The following NDUFAF2 variants were observed in gnomAD, a reference collection of about 807,000 sequenced individuals.
NDUFAF2 encodes NADH dehydrogenase [ubiquinone] 1 alpha subcomplex assembly factor 2.
Under a neutral mutation model 22.8 loss-of-function variants are expected in NDUFAF2, and 13 were observed. The ratio of observed to expected loss-of-function variants is 0.57; its 90% CI spans 0.37 to 0.91. The LOEUF (loss-of-function observed/expected upper bound fraction) is 0.91. Ranked by LOEUF, NDUFAF2 falls within the 40% of genes least tolerant of loss-of-function variation. The pLI is 0.01. For synonymous variants in NDUFAF2, 53 were observed against 64.2 expected, an observed-to-expected ratio of 0.83 and a Z score of 0.84; for missense variants, 162 against 195.2, an observed-to-expected ratio of 0.83 and a Z score of 1.01.
chr5:61,072,720 C>T (rs1752315148), intron 1 of NDUFAF2, among the ~76,000 whole-genome samples: 2 of 152,090 alleles, frequency 1.3e-5, no homozygotes, highest in Admixed American at 1.3e-4. Context: ...CTTTAGCCTC[C>T]TGAGTAGAGT....
In NDUFAF2 at chr5:60,967,324, C is replaced by A. The variant is rs541769703; in HGVS notation, c.127+21942C>A. Among the ~76,000 whole-genome samples the A allele has an allele frequency of 3.3e-5, 5 of 151,902 alleles. No homozygotes were observed. The South Asian group carries it at 8.3e-4, about 25-fold the overall frequency. ...ACATCTTCCTTTCTGATTCAGATGT[C>A]TTTTATTTATTTTTCTTGCTTAATT... On this transcript the variant is annotated intron_variant, in intron 1 of 3. Transcript: ENST00000296597.
chr5:61,056,152 G>A (rs542178661), intron 1 of NDUFAF2, among the ~76,000 whole-genome samples: 34 of 152,244 alleles, frequency 2.2e-4, no homozygotes, highest in Middle Eastern at 3.4e-3. Flanking sequence ...ATAAAGAATT[G>A]TTCAACTCCA....
intron 1 of NDUFAF2, among the ~76,000 whole-genome samples, chr5:60,982,688 T>TG (rs1472572611): frequency 6.6e-6 from 1 of 151,764 alleles, no homozygotes; most frequent in Non-Finnish European, 1.5e-5. Context: ...CTGAGAATGA[T>TG]GGTTTCCAGC....
At chr5:61,005,472 C>G (rs1751354286) in intron 1 of NDUFAF2, among the ~76,000 whole-genome samples, 1 of 152,178 alleles carries the variant, frequency 6.6e-6, no homozygotes. Flanking sequence ...ATGGCTGGGT[C>G]AAATGGTATT....
At chr5:61,136,543 T>G (rs1355246920) in intron 3 of NDUFAF2, among the ~76,000 whole-genome samples, 1 of 152,156 alleles carries the variant, frequency 6.6e-6, no homozygotes, top group Non-Finnish European at 1.5e-5. Flanking sequence ...GTTAACTGCC[T>G]CCCGTCTTGA....
At chr5:61,141,918 A>T (rs945158131) in intron 3 of NDUFAF2, among the ~76,000 whole-genome samples, 2 of 152,186 alleles carry the variant, frequency 1.3e-5, no homozygotes, top group Non-Finnish European at 2.9e-5. Flanking sequence ...CAGCTGGCAC[A>T]TAACAGCTCA....
chr5:60,968,783 A>G (rs1750790506), intron 1 of NDUFAF2, among the ~76,000 whole-genome samples: 1 of 152,026 alleles, frequency 6.6e-6, no homozygotes. Context: ...CTGTTGTGCT[A>G]TCAAATACCA....
intron 1 of NDUFAF2, among the ~76,000 whole-genome samples, chr5:60,999,783 C>A (rs1275319736): frequency 6.6e-6 from 1 of 152,050 alleles, no homozygotes; most frequent in Non-Finnish European, 1.5e-5. Context: ...ATATCAGTGT[C>A]TTTACATACA....
intron 1 of NDUFAF2, among the ~76,000 whole-genome samples, chr5:61,028,608 A>T (rs1247479608): frequency 6.6e-6 from 1 of 152,086 alleles, no homozygotes; most frequent in Non-Finnish European, 1.5e-5. Flanking sequence ...TGTATTGATG[A>T]ACATTTTAGT....
intron 1 of NDUFAF2, among the ~76,000 whole-genome samples, chr5:60,962,007 T>C (rs1254755194): frequency 2.0e-5 from 3 of 152,016 alleles, no homozygotes; most frequent in African/African-American, 4.8e-5. Context: ...TACTATTTTT[T>C]CCTCCAGCTT....
At chr5:60,968,746 A>G (rs1312187236) in intron 1 of NDUFAF2, among the ~76,000 whole-genome samples, 1 of 152,038 alleles carries the variant, frequency 6.6e-6, no homozygotes, top group Non-Finnish European at 1.5e-5. Context: ...AAAATGTAAA[A>G]TTAATTTATT....
chr5:61,049,584 TAAAC>T (rs1751996708), intron 1 of NDUFAF2, among the ~76,000 whole-genome samples: 1 of 152,138 alleles, frequency 6.6e-6, no homozygotes, highest in African/African-American at 2.4e-5. Flanking sequence ...CTGTATCTGT[TAAAC>T]AACAAGTCTT....
At chr5:61,149,487 A>AT (rs1265895658) in intron 3 of NDUFAF2, among the ~76,000 whole-genome samples, 4 of 151,936 alleles carry the variant, frequency 2.6e-5, no homozygotes, top group Non-Finnish European at 5.9e-5. Flanking sequence ...CCACAGTGTT[A>AT]TTTTTTTTAA....
intron 3 of NDUFAF2, among the ~76,000 whole-genome samples, chr5:61,134,585 C>T (rs1026353758): frequency 6.6e-6 from 1 of 152,084 alleles, no homozygotes; most frequent in African/African-American, 2.4e-5. Context: ...ACTTGGGAGG[C>T]TGAGGCAGGA....
intron 1 of NDUFAF2, among the ~76,000 whole-genome samples, chr5:61,068,523 T>C (rs2111725229): frequency 6.6e-6 from 1 of 152,272 alleles, no homozygotes; most frequent in South Asian, 2.1e-4. Context: ...TATATGTGTT[T>C]GTGTATTTAT....
intron 1 of NDUFAF2, among the ~76,000 whole-genome samples, chr5:60,958,357 T>A (rs1272641768): frequency 6.6e-5 from 10 of 152,192 alleles, no homozygotes; most frequent in Admixed American, 6.5e-4. Context: ...TCATAGGCTA[T>A]TTTAATCTGA....
At chr5:60,961,034 TA>T (rs1211563607) in intron 1 of NDUFAF2, among the ~76,000 whole-genome samples, 1 of 152,072 alleles carries the variant, frequency 6.6e-6, no homozygotes, top group African/African-American at 2.4e-5. Flanking sequence ...TAAAATAAAT[TA>T]TTATTGTTGA....
At position 60,945,329 on chromosome 5, in the gene NDUFAF2, C is replaced by T. The variant is rs1474133948; in HGVS notation, c.74C>T (p.Thr25Met). 3.1e-6 allele frequency: 5 copies of T among 1,613,920 alleles called. No individual in the cohort carries two copies. Among genetic ancestry groups the T allele is most frequent in the Non-Finnish European group, 4.2e-6 (5 of 1,180,012 alleles). The change falls in exon 1 of 4, where the codon ACG becomes ATG. Residue 25 changes from threonine to methionine, a missense_variant. By Grantham distance (81) the Thr-to-Met change is moderately conservative (BLOSUM62 -1). Around this residue, in one of 2 missense-constraint regions of NDUFAF2, gnomAD observed 94 missense variants for 85.2 expected, o/e 1.10. Coordinates refer to ENST00000296597, the MANE Select transcript of NDUFAF2 (RefSeq NM_174889.5). ...LSREVKEHVGTDQFGNKYYYI... is the reference protein window; with the variant it reads ...LSREVKEHVGMDQFGNKYYYI... ...AGGGAAGTGAAGGAGCACGTGGGCA[C>T]GGACCAATTCGGGAACAAATACTAC...
At chr5:61,032,483 T>A (rs981647665) in intron 1 of NDUFAF2, among the ~76,000 whole-genome samples, 16 of 152,210 alleles carry the variant, frequency 1.1e-4, no homozygotes, top group Admixed American at 3.3e-4. Flanking sequence ...AAATAGGGAA[T>A]CCTTTCCCCA....
Sources: allele counts gnomAD v4.1 joint callset (sites outside exome capture counted in the v4.1 genomes callset), GRCh38; gene constraint gnomAD v4.1.1; regional missense constraint gnomAD v4.1.1; transcripts MANE v1.5; gene names NCBI Gene and HGNC (gene_info 2026-07-23, HGNC 2026-07-21).